Variants in ANXA8 observed in about 807,000 individuals in gnomAD.
ANXA8 encodes annexin A8.
A neutral mutation model predicts 26.8 loss-of-function variants in ANXA8; 9 were observed. That is an observed-to-expected ratio of 0.34 (90% CI 0.20 to 0.59). The LOEUF is 0.59. ANXA8 is among the 20% of genes least tolerant of loss of function. ANXA8 has a pLI of 0.84. For missense variants in ANXA8, 83 were observed against 238.5 expected, an observed-to-expected ratio of 0.35 and a Z score of 4.29; for synonymous variants, 39 against 94.8, an observed-to-expected ratio of 0.41 and a Z score of 3.42.
the ANXA8 span, among the ~76,000 whole-genome samples, chr10:47,940,172 A>T: frequency 8.0e-5 from 12 of 150,698 alleles, no homozygotes; most frequent in Non-Finnish European, 1.3e-4. Flanking sequence ...CACTTAGGGA[A>T]TCTTAGAGCT....
At chr10:47,565,657 G>C in the ANXA8 span, 2 of 371,122 alleles carry the variant, frequency 5.4e-6, no homozygotes, top group African/African-American at 2.1e-5. Flanking sequence ...CCGGGCCCTG[G>C]CCAGCCGGCC....
chr10:47,744,422 T>TTGGGGGGGATGGGGGAAGGGGGGGG, the ANXA8 span, among the ~76,000 whole-genome samples: 1 of 11,728 alleles, frequency 8.5e-5, no homozygotes, highest in African/African-American at 3.9e-4. Flanking sequence ...GGGGGGGGGG[T>TTGGGGGGGATGGGGGAAGGGGGGGG]TGGGGGGGAG....
chr10:47,502,350 C>A, the ANXA8 span: 20 of 1,607,092 alleles, frequency 1.2e-5, 1 homozygote, highest in Non-Finnish European at 1.6e-5. Flanking sequence ...CAGTGGTGGC[C>A]CGCAGCAGCT....
At chr10:47,593,055 G>A in the ANXA8 span, among the ~76,000 whole-genome samples, 1 of 142,800 alleles carries the variant, frequency 7.0e-6, no homozygotes, top group Non-Finnish European at 1.5e-5. Flanking sequence ...TGAAAATCAT[G>A]GGCTGCAGAC....
the ANXA8 span, chr10:47,991,594 G>C: frequency 4.5e-4 from 720 of 1,609,500 alleles, 9 homozygotes; most frequent in East Asian, 0.013. Flanking sequence ...TCCCAGCCAA[G>C]GGCGACTTTA....
At chr10:47,706,961 T>C in the ANXA8 span, among the ~76,000 whole-genome samples, 1 of 142,412 alleles carries the variant, frequency 7.0e-6, no homozygotes, top group South Asian at 2.2e-4. Flanking sequence ...TTTTAAGCAA[T>C]CATATTTTCA....
At chr10:47,680,642 A>C in the ANXA8 span, among the ~76,000 whole-genome samples, 2 of 152,136 alleles carry the variant, frequency 1.3e-5, no homozygotes, top group Non-Finnish European at 2.9e-5. Flanking sequence ...CTCAAAAAAA[A>C]AAAAATCAAA....
the ANXA8 span, among the ~76,000 whole-genome samples, chr10:47,548,272 C>T: frequency 6.8e-6 from 1 of 147,620 alleles, no homozygotes; most frequent in Non-Finnish European, 1.5e-5. Context: ...CACCCTACAC[C>T]TCCTAATCAA....
the ANXA8 span, among the ~76,000 whole-genome samples, chr10:47,606,527 T>A: frequency 6.8e-6 from 1 of 147,884 alleles, no homozygotes. Flanking sequence ...TATGCAGACA[T>A]AAAAAAAGAA....
At chr10:47,940,147 C>T in the ANXA8 span, among the ~76,000 whole-genome samples, 1 of 151,088 alleles carries the variant, frequency 6.6e-6, no homozygotes, top group Non-Finnish European at 1.5e-5. Context: ...TGCACTTTGC[C>T]TTGTTCCTGT....
At chr10:47,495,659 A>AG in the ANXA8 span, among the ~76,000 whole-genome samples, 1 of 120,908 alleles carries the variant, frequency 8.3e-6, no homozygotes, top group East Asian at 3.7e-4. Context: ...CTGAGGAGGA[A>AG]GAGGAGGAGG....
At chr10:47,469,260 C>T (rs1839230585) in intron 11 of ANXA8, among the ~76,000 whole-genome samples, 3 of 149,932 alleles carry the variant, frequency 2.0e-5, no homozygotes, top group African/African-American at 7.4e-5. Context: ...CATCATTATT[C>T]AACACCTGCT....
the ANXA8 span, among the ~76,000 whole-genome samples, chr10:47,733,187 T>TTCTTTCTTTCTTTCTTTCTCTCTCTCTC: frequency 8.5e-5 from 8 of 94,218 alleles, no homozygotes; most frequent in Non-Finnish European, 1.2e-4. Flanking sequence ...CTTTCTTTCT[T>TTCTTTCTTTCTTTCTTTCTCTCTCTCTC]TCTTTCTTTC....
the ANXA8 span, chr10:47,502,440 C>G: frequency 1.9e-6 from 3 of 1,612,130 alleles, no homozygotes; most frequent in Non-Finnish European, 2.5e-6. Context: ...TCCACCATTC[C>G]TTCTCTTCCC....
chr10:47,650,205 C>CAAAA, the ANXA8 span, among the ~76,000 whole-genome samples: 3 of 99,864 alleles, frequency 3.0e-5, no homozygotes, highest in South Asian at 3.8e-4. Flanking sequence ...AAGTCTGTCT[C>CAAAA]AAAAAAAAAA....
chr10:47,753,105 T>C, the ANXA8 span: 2 of 976,404 alleles, frequency 2.0e-6, no homozygotes, highest in Non-Finnish European at 2.4e-6. Context: ...GGAAACTCTG[T>C]CTCAAAAAAT....
the ANXA8 span, among the ~76,000 whole-genome samples, chr10:47,676,394 A>T: frequency 1.3e-5 from 2 of 151,904 alleles, no homozygotes; most frequent in Non-Finnish European, 2.9e-5. Context: ...TCCCATATAT[A>T]GGCATATCAT....
At chr10:47,683,517 C>T in the ANXA8 span, among the ~76,000 whole-genome samples, 1 of 151,958 alleles carries the variant, frequency 6.6e-6, no homozygotes, top group Non-Finnish European at 1.5e-5. Context: ...AAGAGTTCAG[C>T]ATGAATATAC....
At chr10:47,487,315 A>G, upstream of ANXA8, 1 of 881,276 alleles carries the variant, frequency 1.1e-6, no homozygotes, top group South Asian at 1.8e-5. Context: ...TGCATGGGTG[A>G]TGGCATTTGT....
Sources: allele counts gnomAD v4.1 joint callset (sites outside exome capture counted in the v4.1 genomes callset), GRCh38; gene constraint gnomAD v4.1.1; transcripts MANE v1.5; gene names NCBI Gene and HGNC (gene_info 2026-07-23, HGNC 2026-07-21).